The following CILP variants were observed in gnomAD, a reference collection of about 807,000 sequenced individuals.
CILP encodes cartilage intermediate layer protein.
CILP carries 75 observed loss-of-function variants against 82.5 expected under a neutral mutation model. That is an observed-to-expected ratio of 0.91 (90% CI 0.75 to 1.10). The LOEUF (loss-of-function observed/expected upper bound fraction) is 1.10, where lower values mean the gene tolerates loss of function less well. CILP is among the 50% of genes least tolerant of loss of function. The pLI, the probability that CILP is intolerant of heterozygous loss-of-function variation, is 0.00. For synonymous variants in CILP, 530 were observed against 580.3 expected, an observed-to-expected ratio of 0.91 and a Z score of 1.25; for missense variants, 1,479 against 1,530.8, an observed-to-expected ratio of 0.97 and a Z score of 0.56.
rs764748502 is a variant in CILP at position 65,197,201 on chromosome 15, G to T, written c.3085C>A (p.Pro1029Thr). The change falls in exon 9 of 9, where the codon CCC becomes ACC. Residue 1029 changes from proline to threonine, a missense_variant. Coordinates refer to ENST00000261883, the MANE Select transcript of CILP (RefSeq NM_003613.4). The stretch of plus-strand genomic sequence containing the variant: ...CTGGCTCGACGGCAGCTGCCCTGGG[G>T]GATGACCTTCACCAGGGTGCGGTCC... ...RVDRTLVKVI[P>T]QGSCRRASVN... 6.2e-7 allele frequency: 1 copy of T among 1,613,902 alleles called. No homozygotes were observed. The highest frequency in any genetic ancestry group is 8.5e-7 in the Non-Finnish European group (1 of 1,180,024).
Position 65,201,994 on chromosome 15 carries a change from T to C in CILP, c.1064A>G (p.Tyr355Cys), listed in dbSNP as rs1234468596. ...CAGCACCAGCTTGCTCTCATGCTTG[T>C]AGAGGGAAGGATCCAGCAATGTGTC... ...HNDTLLDPSL[Y>C]KHESKLVLRK... The change falls in exon 8 of 9, where the codon TAC (tyrosine) becomes TGC (cysteine). Residue 355 changes from tyrosine to cysteine, a missense_variant. Coordinates refer to ENST00000261883, the MANE Select transcript of CILP (RefSeq NM_003613.4). 1.2e-6 allele frequency: 2 copies of C among 1,601,056 alleles called. No homozygotes were observed. The highest frequency in any genetic ancestry group is 2.3e-5 in the South Asian group (2 of 88,748).
intron 2 of CILP, 59 bp from the exon 3 acceptor site, chr15:65,207,823 C>T: frequency 6.9e-7 from 1 of 1,440,756 alleles, no homozygotes; most frequent in Non-Finnish European, 9.8e-7. Context: ...CAGCATTCCT[C>T]AAGATGCAGG....
chr15:65,198,091 C>A lies in CILP; in HGVS notation c.2195G>T (p.Gly732Val). The A allele has an allele frequency of 6.2e-7, 1 of 1,614,200 alleles. No homozygotes were observed. Among genetic ancestry groups the A allele is most frequent in the Non-Finnish European group, 8.5e-7 (1 of 1,180,026 alleles). ...NKREDRTFLVGNLEIRERRLF... is the reference protein window; with the variant it reads ...NKREDRTFLVVNLEIRERRLF... Reference sequence around the variant, plus strand: ...CCTCCTCTCACGAATCTCCAGGTTGCCCACCAGGAAGGTTCTGTCTTCTCT... The same window carrying A: ...CCTCCTCTCACGAATCTCCAGGTTGACCACCAGGAAGGTTCTGTCTTCTCT... The change falls in exon 9 of 9, where the codon GGC (glycine) becomes GTC (valine). Residue 732 changes from glycine (G) to valine (V), a missense_variant. Transcript: ENST00000261883.
rs781330929 is a variant in CILP at position 65,197,933 on chromosome 15, C to G, written c.2353G>C (p.Gly785Arg). 3 of 1,614,134 alleles carry G rather than the reference C, an allele frequency of 1.9e-6. No homozygotes were observed. In the East Asian group the frequency reaches 6.7e-5, roughly 36 times the overall value. ...ISVINLEPRTGFLSNPRAWGR... is the reference protein window; with the variant it reads ...ISVINLEPRTRFLSNPRAWGR... ...CAGGCCCTAGGGTTGGACAAGAAGC[C>G]AGTTCTAGGCTCCAGGTTAATCACG... Residue 785 changes from glycine (G) to arginine (R), a missense_variant, in exon 9 of 9, where the codon GGC (glycine) becomes CGC (arginine). Coordinates refer to ENST00000261883, the MANE Select transcript of CILP (RefSeq NM_003613.4).
rs772682701 is a variant in CILP at position 65,198,226 on chromosome 15, A to G, written c.2060T>C (p.Val687Ala). The part of the protein sequence containing the change: ...KVKVHLDSTQ[V>A]KMPEHISTVK... The stretch of plus-strand genomic sequence containing the variant: ...TGTGGATATGTGCTCTGGCATCTTG[A>G]CCTGGGTCGAGTCAAGGTGGACCTT... The change falls in exon 9 of 9, where the codon GTC (valine) becomes GCC (alanine). Residue 687 changes from valine to alanine, a missense_variant. Val to Ala is a moderately conservative substitution (Grantham distance 64). Transcript: ENST00000261883. The G allele has an allele frequency of 3.1e-6, 5 of 1,614,080 alleles. No individual in the cohort carries two copies. Among genetic ancestry groups the G allele is most frequent in the Middle Eastern group, 3.3e-4 (2 of 6,084 alleles).
chr15:65,200,681 T>A (rs903590421), intron 8 of CILP, among the ~76,000 whole-genome samples: 1 of 152,206 alleles, frequency 6.6e-6, no homozygotes. Flanking sequence ...ACACAATCCC[T>A]GCCCATTCTT....
At position 65,195,937 on chromosome 15, in the gene CILP, C is replaced by T. The variant is rs2088355540; in HGVS notation, c.*794G>A. The T allele has an allele frequency of 6.6e-6, 1 of 152,232 alleles. No homozygotes were observed. Among genetic ancestry groups the T allele is most frequent in the Non-Finnish European group, 1.5e-5 (1 of 68,050 alleles). The allele number at this position is 152,232 out of a possible 1,614,324, so 9.4% of individuals were successfully genotyped here. A position where few individuals can be genotyped will look rare whatever the true frequency, so the allele number is the denominator to read the frequency against. On this transcript the variant is annotated 3_prime_UTR_variant, in exon 9 of 9. Transcript: ENST00000261883. ...ACTTACACCACCTGTGACTGCTTTC[C>T]AGAGTCCCCTGTACTCCTCTGAGAA...
chr15:65,198,259 C>G lies in CILP; in HGVS notation c.2027G>C (p.Gly676Ala). The G allele has an allele frequency of 6.2e-7, 1 of 1,614,238 alleles. No homozygotes were observed. Among genetic ancestry groups the G allele is most frequent in the Non-Finnish European group, 8.5e-7 (1 of 1,180,046 alleles). The change falls in exon 9 of 9, where the codon GGC becomes GCC. Residue 676 changes from glycine to alanine, a missense_variant. Coordinates refer to ENST00000261883, the MANE Select transcript of CILP (RefSeq NM_003613.4). ...CGAGTCAAGGTGGACCTTCACTTTG[C>G]CAGCATTAAGTGGCTCTGAGGTGAC... ...DEVTSEPLNA[G>A]KVKVHLDSTQ... is the part of the protein sequence containing the mutation.
At chr15:65,204,722 T>A in intron 5 of CILP, 140 bp from the exon 6 acceptor site, 2 of 905,442 alleles carry the variant, frequency 2.2e-6, no homozygotes, top group Non-Finnish European at 3.2e-6. Flanking sequence ...ACTCATCCTT[T>A]AAAACTTATC....
intron 7 of CILP, 37 bp downstream of exon 7, chr15:65,203,322 CAGG>C (rs771266771): frequency 7.2e-7 from 1 of 1,397,554 alleles, no homozygotes; most frequent in Non-Finnish European, 1.0e-6. Context: ...CTCTGGTTTC[CAGG>C]AGGAGAATTG....
Position 65,207,005 on chromosome 15 carries a change from C to T in CILP, c.201G>A (p.Gly67=), listed in dbSNP as rs766920533. ...TTWFNIDYPG[G]KGDYERLDAI... Reference sequence around the variant, plus strand: ...CGTCCAGCCGCTCATAGTCGCCCTTCCCGCCTGGGTAGTCGATGTTGAACC... The same window carrying T: ...CGTCCAGCCGCTCATAGTCGCCCTTTCCGCCTGGGTAGTCGATGTTGAACC... Residue 67 remains glycine, a synonymous_variant, in exon 4 of 9, where the codon GGG becomes GGA. Coordinates refer to ENST00000261883, the MANE Select transcript of CILP (RefSeq NM_003613.4). 68 of 1,613,894 alleles carry T rather than the reference C, an allele frequency of 4.2e-5. No individual in the cohort carries two copies. The highest frequency in any genetic ancestry group is 5.5e-5 in the Non-Finnish European group (65 of 1,180,036).
rs780641361 is a variant in CILP at position 65,198,218 on chromosome 15, G to A, written c.2068C>T (p.Pro690Ser). The A allele has an allele frequency of 5.0e-6, 8 of 1,614,104 alleles. No homozygotes were observed. Among genetic ancestry groups the A allele is most frequent in the Non-Finnish European group, 5.9e-6 (7 of 1,180,060 alleles). ...VHLDSTQVKM[P>S]EHISTVKLWS... Reference sequence around the variant, plus strand: ...AGTTTCACTGTGGATATGTGCTCTGGCATCTTGACCTGGGTCGAGTCAAGG... The same window carrying A: ...AGTTTCACTGTGGATATGTGCTCTGACATCTTGACCTGGGTCGAGTCAAGG... Residue 690 changes from proline to serine, a missense_variant, in exon 9 of 9, where the codon CCA (proline) becomes TCA (serine). Physicochemically the swap from Pro to Ser is moderately conservative, Grantham distance 74. Coordinates refer to ENST00000261883, the MANE Select transcript of CILP (RefSeq NM_003613.4).
Position 65,198,995 on chromosome 15 carries a change from G to A in CILP, c.1291C>T (p.Arg431Cys), listed in dbSNP as rs142998109. Residue 431 changes from arginine (R) to cysteine (C), a missense_variant, in exon 9 of 9, where the codon CGC becomes TGC. Physicochemically the swap from Arg to Cys is radical, Grantham distance 180. Coordinates refer to ENST00000261883, the MANE Select transcript of CILP (RefSeq NM_003613.4). ...ATNSFYYDVGRCPVKTCAGQQ... is the reference protein window; with the variant it reads ...ATNSFYYDVGCCPVKTCAGQQ... ...CCTGCACAAGTCTTAACAGGGCAGC[G>A]TCCCACGTCATAGTAGAAGGAGTTG... The A allele has an allele frequency of 6.9e-4, 1,105 of 1,611,924 alleles. 4 individuals carry two copies. In the African/African-American group the frequency reaches 0.013, roughly 18 times the overall value.
At position 65,198,653 on chromosome 15, in the gene CILP, G is replaced by C; in HGVS notation, c.1633C>G (p.Leu545Val). ...ERLVLTFVDR[L>V]QKFVNTTKVL... Reference sequence around the variant, plus strand: ...TTGGTGGTGTTGACAAACTTCTGCAGCCTGTCCACAAATGTGAGCACCAGC... The same window carrying C: ...TTGGTGGTGTTGACAAACTTCTGCACCCTGTCCACAAATGTGAGCACCAGC... Residue 545 changes from leucine to valine, a missense_variant, in exon 9 of 9, where the codon CTG (leucine) becomes GTG (valine). By Grantham distance (32) the Leu-to-Val change is conservative. Transcript: ENST00000261883. The C allele has an allele frequency of 1.2e-6, 2 of 1,614,208 alleles. No individual in the cohort carries two copies. Among genetic ancestry groups the C allele is most frequent in the South Asian group, 1.1e-5 (1 of 91,082 alleles).
chr15:65,197,301 G>C lies in CILP; in HGVS notation c.2985C>G (p.Asp995Glu), dbSNP rs572631157. 5 of 1,614,060 alleles carry C rather than the reference G, an allele frequency of 3.1e-6. No individual in the cohort carries two copies. In the South Asian group the frequency reaches 5.5e-5, roughly 18 times the overall value. The change falls in exon 9 of 9, where the codon GAC (aspartate) becomes GAG (glutamate). Residue 995 changes from aspartate (D) to glutamate (E), a missense_variant. Coordinates refer to ENST00000261883, the MANE Select transcript of CILP (RefSeq NM_003613.4). ...CAGCTGAGACATTGGGCTGGTCCCT[G>C]TCCCGAGTGCTCCTCACATCTCGGA... is the stretch of plus-strand genomic sequence containing the variant. ...YGIRDVRSTRDRDQPNVSAAC... is the reference protein window; with the variant it reads ...YGIRDVRSTRERDQPNVSAAC...
chr15:65,205,533 C>T, intron 4 of CILP, 67 bp from the exon 5 acceptor site: 1 of 1,444,750 alleles, frequency 6.9e-7, no homozygotes, highest in East Asian at 2.4e-5. Flanking sequence ...AAATCTGACC[C>T]TGAGGCTGTT....
rs369114969 is a variant in CILP, at chr15:65,199,140, C to T, written c.1187-41G>A. ...GTGTGGAAATTAAGATGTAAGTTTA[C>T]ATCCTACACAAAGAGTACCTCAACC... On this transcript the variant is annotated intron_variant, in intron 8 of 8. Coordinates refer to ENST00000261883, the MANE Select transcript of CILP (RefSeq NM_003613.4). The T allele has an allele frequency of 2.7e-4, 386 of 1,430,876 alleles. 1 individual carries two copies. Among genetic ancestry groups the T allele is most frequent in the Non-Finnish European group, 3.6e-4 (379 of 1,053,358 alleles). The allele number at this position is 1,430,876 out of a possible 1,614,324, so 88.6% of individuals were successfully genotyped here. A position where few individuals can be genotyped will look rare whatever the true frequency, so the allele number is the denominator to read the frequency against.
At chr15:65,201,500 G>A (rs1330093734) in intron 8 of CILP, among the ~76,000 whole-genome samples, 20 of 152,084 alleles carry the variant, frequency 1.3e-4, no homozygotes, top group African/African-American at 4.3e-4. Flanking sequence ...TTGGGAGGAC[G>A]AAAGAGGTGG....
At chr15:65,209,025 T>C (rs2140684394) in intron 2 of CILP, among the ~76,000 whole-genome samples, 1 of 147,216 alleles carries the variant, frequency 6.8e-6, no homozygotes, top group Non-Finnish European at 1.5e-5. Context: ...TTTTTTTTTT[T>C]TTTTTTTTTT....
Sources: allele counts gnomAD v4.1 joint callset (sites outside exome capture counted in the v4.1 genomes callset), GRCh38; gene constraint gnomAD v4.1.1; transcripts MANE v1.5; gene names NCBI Gene and HGNC (gene_info 2026-07-23, HGNC 2026-07-21).